The following SH3GL2 variants were observed in gnomAD, a reference collection of about 807,000 sequenced individuals.
SH3GL2 encodes SH3 domain containing GRB2 like 2, endophilin A1.
A neutral mutation model predicts 46.0 loss-of-function variants in SH3GL2; 24 were observed. The observed-to-expected ratio is 0.52, with a 90% CI of 0.38 to 0.73. SH3GL2 has a LOEUF of 0.73. Ranked by LOEUF, SH3GL2 falls within the 30% of genes least tolerant of loss-of-function variation. The pLI is 0.00. For missense variants in SH3GL2, 413 were observed against 424.2 expected (o/e 0.97, Z 0.23); for synonymous variants, 196 against 147.1 (o/e 1.33, Z -2.40).
At chr9:17,687,514 A>C (rs73645135) in intron 1 of SH3GL2, among the ~76,000 whole-genome samples, 1 of 130,524 alleles carries the variant, frequency 7.7e-6, no homozygotes, top group Non-Finnish European at 1.6e-5. Context: ...AAAAATTTCA[A>C]TTGTAAATAC....
intron 1 of SH3GL2, among the ~76,000 whole-genome samples, chr9:17,714,454 T>G (rs1198969499): frequency 6.6e-6 from 1 of 151,780 alleles, no homozygotes; most frequent in Non-Finnish European, 1.5e-5. Flanking sequence ...TGTTTTTCCC[T>G]GCCTTTTTTT....
At chr9:17,758,841 G>T (rs1262093717) in intron 2 of SH3GL2, among the ~76,000 whole-genome samples, 3 of 152,116 alleles carry the variant, frequency 2.0e-5, no homozygotes, top group Admixed American at 6.5e-5. Context: ...CACAAAGTCG[G>T]TAAACATCTG....
intron 1 of SH3GL2, among the ~76,000 whole-genome samples, chr9:17,715,785 A>G (rs181134980): frequency 1.3e-5 from 2 of 152,012 alleles, no homozygotes; most frequent in Non-Finnish European, 2.9e-5. Context: ...CATACACCTA[A>G]TATACCAAAC....
chr9:17,666,765 G>T (rs934893449), intron 1 of SH3GL2, among the ~76,000 whole-genome samples: 2 of 151,968 alleles, frequency 1.3e-5, no homozygotes, highest in African/African-American at 4.8e-5. Flanking sequence ...AATATTTTGG[G>T]TAACTTCCTG....
intron 1 of SH3GL2, among the ~76,000 whole-genome samples, chr9:17,675,015 A>G (rs1405101793): frequency 2.0e-5 from 3 of 152,128 alleles, no homozygotes; most frequent in Admixed American, 6.6e-5. Context: ...GCATACAGGG[A>G]TGGGAGGAAT....
At chr9:17,701,814 A>G (rs184068336) in intron 1 of SH3GL2, among the ~76,000 whole-genome samples, 138 of 152,262 alleles carry the variant, frequency 9.1e-4, no homozygotes, top group Admixed American at 2.2e-3. Context: ...GACATGAGAA[A>G]CAGAAAAGCA....
chr9:17,696,765 G>A (rs1821213194), intron 1 of SH3GL2, among the ~76,000 whole-genome samples: 1 of 152,066 alleles, frequency 6.6e-6, no homozygotes, highest in Admixed American at 6.5e-5. Flanking sequence ...GATTTGGGTG[G>A]GGACACAGCC....
At chr9:17,724,898 T>A (rs539401635) in intron 1 of SH3GL2, among the ~76,000 whole-genome samples, 63 of 152,234 alleles carry the variant, frequency 4.1e-4, no homozygotes, top group African/African-American at 1.5e-3. Flanking sequence ...ATATTTGTGC[T>A]TAAGCTGGCT....
At chr9:17,777,835 C>G (rs1823685520) in intron 3 of SH3GL2, among the ~76,000 whole-genome samples, 1 of 152,034 alleles carries the variant, frequency 6.6e-6, no homozygotes, top group African/African-American at 2.4e-5. Context: ...GGGGTTTCAG[C>G]ATATGAATTT....
chr9:17,624,158 A>C (rs909499218), intron 1 of SH3GL2, among the ~76,000 whole-genome samples: 2 of 152,218 alleles, frequency 1.3e-5, no homozygotes, highest in Non-Finnish European at 2.9e-5. Flanking sequence ...AGGGTGATGC[A>C]ATCTCAGTTG....
intron 3 of SH3GL2, among the ~76,000 whole-genome samples, chr9:17,768,370 CAAAAAAAAAA>C (rs34891273): frequency 4.9e-4 from 33 of 67,210 alleles, no homozygotes; most frequent in African/African-American, 1.6e-3. Flanking sequence ...GACTCTGTCT[CAAAAAAAAAA>C]AAAAAAAAAA....
At chr9:17,722,921 G>C (rs1054606587) in intron 1 of SH3GL2, among the ~76,000 whole-genome samples, 1 of 152,094 alleles carries the variant, frequency 6.6e-6, no homozygotes, top group African/African-American at 2.4e-5. Context: ...CATTATCTCA[G>C]CTTCACTGCT....
intron 1 of SH3GL2, among the ~76,000 whole-genome samples, chr9:17,712,382 GC>G (rs1199617216): frequency 5.3e-5 from 8 of 151,708 alleles, no homozygotes; most frequent in African/African-American, 1.9e-4. Context: ...AAAAAACTTT[GC>G]CGAACCCAAG....
chr9:17,607,248 C>T (rs1374031032), intron 1 of SH3GL2, among the ~76,000 whole-genome samples: 1 of 152,180 alleles, frequency 6.6e-6, no homozygotes, highest in Non-Finnish European at 1.5e-5. Flanking sequence ...TAGTCCATTG[C>T]TCCAAGGTAA....
intron 2 of SH3GL2, among the ~76,000 whole-genome samples, chr9:17,754,518 A>C (rs1242012755): frequency 6.6e-6 from 1 of 151,934 alleles, no homozygotes; most frequent in African/African-American, 2.4e-5. Flanking sequence ...CTAAATATAC[A>C]AAAAATTAGC....
chr9:17,626,448 C>G (rs1056963320), intron 1 of SH3GL2, among the ~76,000 whole-genome samples: 4 of 152,206 alleles, frequency 2.6e-5, no homozygotes, highest in African/African-American at 9.7e-5. Flanking sequence ...GTGTCCTCAT[C>G]TCTCTCTTAT....
At chr9:17,682,429 A>G (rs138958226) in intron 1 of SH3GL2, among the ~76,000 whole-genome samples, 1,563 of 152,264 alleles carry the variant, frequency 0.01, 17 homozygotes, top group Middle Eastern at 0.024. Context: ...TGAAGCCAGA[A>G]GCCATCATCC....
chr9:17,790,018 C>G (rs527537438), intron 6 of SH3GL2, among the ~76,000 whole-genome samples: 2 of 152,108 alleles, frequency 1.3e-5, no homozygotes, highest in East Asian at 3.9e-4. Flanking sequence ...CTATGTATAA[C>G]TCAATAGAGG....
At chr9:17,687,513 A>AGTTGTAAAT (rs143085217) in intron 1 of SH3GL2, among the ~76,000 whole-genome samples, 3,733 of 152,070 alleles carry the variant, frequency 0.025, 64 homozygotes, top group South Asian at 0.032. Context: ...AAAAAATTTC[A>AGTTGTAAAT]ATTGTAAATA....
Sources: allele counts gnomAD v4.1 joint callset (sites outside exome capture counted in the v4.1 genomes callset), GRCh38; gene constraint gnomAD v4.1.1; transcripts MANE v1.5; gene names NCBI Gene and HGNC (gene_info 2026-07-23, HGNC 2026-07-21).